AADAT: variants seen among roughly 807,000 people sequenced by gnomAD.
AADAT encodes the protein kynurenine/alpha-aminoadipate aminotransferase, mitochondrial.
AADAT carries 25 observed loss-of-function variants against 56.2 expected under a neutral mutation model. The ratio of observed to expected loss-of-function variants is 0.44; its 90% CI spans 0.32 to 0.62. The LOEUF is 0.62. AADAT is among the 20% of genes least tolerant of loss of function. The probability of loss-of-function intolerance (pLI) is 0.04; values close to 1 mark genes in which losing one functional copy is unlikely to be tolerated. For missense variants in AADAT, 387 were observed against 510.5 expected (o/e 0.76, Z 2.33); for synonymous variants, 173 against 164.7 (o/e 1.05, Z -0.39).
At chr4:170,085,264 T>C (rs941357203) in intron 3 of AADAT, among the ~76,000 whole-genome samples, 22 of 152,208 alleles carry the variant, frequency 1.4e-4, no homozygotes, top group African/African-American at 5.3e-4. Flanking sequence ...TTCAACTGCA[T>C]GGAGTCATTG....
intron 10 of AADAT, among the ~76,000 whole-genome samples, chr4:170,065,456 T>G (rs992677608): frequency 1.8e-4 from 28 of 151,952 alleles, no homozygotes; most frequent in African/African-American, 6.8e-4. Context: ...TTTTCTTCAG[T>G]ACTATTATGC....
At chr4:170,083,943 T>C (rs540101421) in intron 3 of AADAT, among the ~76,000 whole-genome samples, 2 of 152,300 alleles carry the variant, frequency 1.3e-5, no homozygotes, top group South Asian at 4.1e-4. Flanking sequence ...TCCATGTTTA[T>C]TATGGCACTT....
upstream of AADAT, among the ~76,000 whole-genome samples, chr4:170,091,852 T>G (rs954140782): frequency 1.3e-5 from 2 of 152,230 alleles, no homozygotes; most frequent in African/African-American, 2.4e-5. Flanking sequence ...TATGTCTAGC[T>G]AAGGGATTGT....
chr4:170,076,582 T>C (rs1283560527), intron 4 of AADAT, among the ~76,000 whole-genome samples: 1 of 152,212 alleles, frequency 6.6e-6, no homozygotes, highest in Non-Finnish European at 1.5e-5. Flanking sequence ...CTTTCTGTTG[T>C]TGAGTTGTAG....
At chr4:170,087,373 C>T (rs573442032) in intron 2 of AADAT, 125 bp from the exon 3 acceptor site, 89 of 866,940 alleles carry the variant, frequency 1.0e-4, no homozygotes, top group Non-Finnish European at 1.4e-4. Context: ...CCCTCAAATG[C>T]TTTTTGCCAG....
chr4:170,072,995 G>A, intron 5 of AADAT, 141 bp downstream of exon 5: 1 of 695,872 alleles, frequency 1.4e-6, no homozygotes, highest in Non-Finnish European at 2.3e-6. Flanking sequence ...TTAGGACCCT[G>A]AGCATATATG....
chr4:170,090,554 C>T (rs1439173802), upstream of AADAT: 1 of 152,158 alleles, frequency 6.6e-6, no homozygotes, highest in Non-Finnish European at 1.5e-5. Context: ...TTTGAAAAAT[C>T]ACTCTGAGTC....
At chr4:170,066,380 G>A (rs1731462490) in intron 10 of AADAT, 34 bp downstream of exon 10, 2 of 1,583,632 alleles carry the variant, frequency 1.3e-6, no homozygotes, top group Non-Finnish European at 1.7e-6. Flanking sequence ...AGATGCTACT[G>A]TTTATCATGA....
intron 4 of AADAT, among the ~76,000 whole-genome samples, chr4:170,076,658 C>CTA (rs1732050209): frequency 6.6e-6 from 1 of 152,162 alleles, no homozygotes; most frequent in African/African-American, 2.4e-5. Flanking sequence ...TTTTCTCCCA[C>CTA]TGTATAGACT....
At position 170,064,759 on chromosome 4, in the gene AADAT, T is replaced by A; in HGVS notation, c.1094A>T (p.Asp365Val). ...FLWIKVKGIN[D>V]VKELIEEKAV... ...CTTTTCTTCAATCAGTTCTTTTACA[T>A]CATTAATGCCTTTAACTTTAATCCA... The change falls in exon 11 of 13, where the codon GAT becomes GTT. Residue 365 changes from aspartate (D) to valine (V), a missense_variant. Physicochemically the swap from Asp to Val is radical, Grantham distance 152 (BLOSUM62 -3). Coordinates refer to ENST00000337664, the MANE Select transcript of AADAT (RefSeq NM_016228.4). 6.2e-7 allele frequency: 1 copy of A among 1,611,702 alleles called. No individual in the cohort carries two copies. The highest frequency in any genetic ancestry group is 1.1e-5 in the South Asian group (1 of 90,240).
rs1278008338 is a variant in AADAT, at chr4:170,060,419, A to G, written c.*509T>C. ...TTAATTACTTCTTTAAAATCTCAAAATAATTCAGTGTAAAATGTTAGTTTC... is the reference window on the plus strand; with the variant it reads ...TTAATTACTTCTTTAAAATCTCAAAGTAATTCAGTGTAAAATGTTAGTTTC... On this transcript the variant is annotated 3_prime_UTR_variant, in exon 13 of 13. Coordinates refer to ENST00000337664, the MANE Select transcript of AADAT (RefSeq NM_016228.4). 6.6e-6 allele frequency: 1 copy of G among 152,300 alleles called. No homozygotes were observed. The highest frequency in any genetic ancestry group is 2.4e-5 in the African/African-American group (1 of 41,478). The allele number at this position is 152,300 out of a possible 1,614,324, so 9.4% of individuals were successfully genotyped here. A position where few individuals can be genotyped will look rare whatever the true frequency, so the allele number is the denominator to read the frequency against.
Position 170,064,802 on chromosome 4 carries a change from C to G in AADAT, c.1051G>C (p.Ala351Pro). 1.9e-6 allele frequency: 3 copies of G among 1,610,908 alleles called. No homozygotes were observed. The highest frequency in any genetic ancestry group is 2.5e-6 in the Non-Finnish European group (3 of 1,179,352). The change falls in exon 11 of 13, where the codon GCT becomes CCT. Residue 351 changes from alanine (A) to proline (P), a missense_variant. Physicochemically the swap from Ala to Pro is conservative, Grantham distance 27. Transcript: ENST00000337664. Reference sequence around the variant, plus strand: ...TTAATCCATAAAAACATTCCAGCAGCAGGAACATGCCATTCTGCCAAACCT... The same window carrying G: ...TTAATCCATAAAAACATTCCAGCAGGAGGAACATGCCATTCTGCCAAACCT... Reference protein sequence around the residue: ...LTGLAEWHVPAAGMFLWIKVK... With the variant: ...LTGLAEWHVPPAGMFLWIKVK...
intron 4 of AADAT, among the ~76,000 whole-genome samples, chr4:170,074,189 CT>C (rs1191212237): frequency 1.3e-5 from 2 of 152,050 alleles, no homozygotes; most frequent in Non-Finnish European, 2.9e-5. Context: ...CTGATTTTTC[CT>C]TTATTATTAT....
At chr4:170,069,367 C>T in intron 6 of AADAT, 137 bp from the exon 7 acceptor site, 1 of 621,848 alleles carries the variant, frequency 1.6e-6, no homozygotes. Context: ...TATTTCAACC[C>T]TTTAACATGG....
intron 3 of AADAT, among the ~76,000 whole-genome samples, chr4:170,084,879 C>T (rs151053143): frequency 2.0e-5 from 3 of 152,332 alleles, no homozygotes; most frequent in Non-Finnish European, 4.4e-5. Context: ...ACCTAATTAG[C>T]GTTGATCCTT....
intron 1 of AADAT, chr4:170,089,291 C>A (rs1443530942): frequency 1.9e-6 from 1 of 530,440 alleles, no homozygotes; most frequent in Admixed American, 2.4e-5. Flanking sequence ...CCCATCTGCA[C>A]GCTGTGCATG....
At chr4:170,072,566 T>C (rs1047082965) in intron 5 of AADAT, among the ~76,000 whole-genome samples, 9 of 152,200 alleles carry the variant, frequency 5.9e-5, no homozygotes, top group Non-Finnish European at 1.0e-4. Flanking sequence ...AAAAAGCTAT[T>C]TGTAGTGAAA....
chr4:170,063,037 G>A (rs895215051), intron 11 of AADAT, among the ~76,000 whole-genome samples: 1 of 152,162 alleles, frequency 6.6e-6, no homozygotes, highest in African/African-American at 2.4e-5. Flanking sequence ...CAACAGCATT[G>A]AGTAACTGCT....
intron 10 of AADAT, 148 bp downstream of exon 10, chr4:170,066,266 T>G (rs766740980): frequency 4.4e-6 from 3 of 683,498 alleles, no homozygotes; most frequent in Non-Finnish European, 7.8e-6. Context: ...ATGTTGCTTC[T>G]GAGATGATTT....
Sources: allele counts gnomAD v4.1 joint callset (sites outside exome capture counted in the v4.1 genomes callset), GRCh38; gene constraint gnomAD v4.1.1; transcripts MANE v1.5; gene names NCBI Gene and HGNC (gene_info 2026-07-23, HGNC 2026-07-21).